Variants in ZHX2 observed in about 807,000 individuals in gnomAD.
ZHX2 encodes the protein zinc fingers and homeoboxes 2, also known as zinc fingers and homeoboxes protein 2.
Under a neutral mutation model 21.9 loss-of-function variants are expected in ZHX2, and 6 were observed. The observed-to-expected ratio is 0.27, with a 90% CI of 0.15 to 0.54. The LOEUF (loss-of-function observed/expected upper bound fraction) is 0.54, where lower values mean the gene tolerates loss of function less well. ZHX2 is among the 20% of genes least tolerant of loss of function. The probability of loss-of-function intolerance (pLI) is 0.95; values close to 1 mark genes in which losing one functional copy is unlikely to be tolerated. For missense variants in ZHX2, 908 were observed against 1,090.7 expected, an observed-to-expected ratio of 0.83 and a Z score of 2.36; for synonymous variants, 434 against 437.1, an observed-to-expected ratio of 0.99 and a Z score of 0.09.
intron 1 of ZHX2, among the ~76,000 whole-genome samples, chr8:122,818,968 G>A (rs569619344): frequency 4.6e-5 from 7 of 152,220 alleles, no homozygotes; most frequent in Admixed American, 1.3e-4. Flanking sequence ...GATAGACCGC[G>A]TCCTTAGCCA....
At chr8:122,890,448 T>C (rs1030099913) in intron 2 of ZHX2, among the ~76,000 whole-genome samples, 2 of 152,194 alleles carry the variant, frequency 1.3e-5, no homozygotes, top group Admixed American at 1.3e-4. Context: ...ATGGGGTCTT[T>C]TGTGATTCCA....
At chr8:122,944,444 A>C (rs545731650) in intron 2 of ZHX2, among the ~76,000 whole-genome samples, 2 of 152,150 alleles carry the variant, frequency 1.3e-5, no homozygotes, top group South Asian at 4.1e-4. Flanking sequence ...CTACAAAATT[A>C]AGTATAGCCT....
chr8:122,852,153 C>T (rs904423914), intron 1 of ZHX2, among the ~76,000 whole-genome samples: 3 of 152,144 alleles, frequency 2.0e-5, no homozygotes, highest in African/African-American at 7.2e-5. Context: ...CATACAGGTG[C>T]GTGAATGTGT....
At chr8:122,925,390 A>G (rs1239623026) in intron 2 of ZHX2, among the ~76,000 whole-genome samples, 3 of 152,216 alleles carry the variant, frequency 2.0e-5, no homozygotes, top group Admixed American at 6.5e-5. Flanking sequence ...TCTTAGTGCT[A>G]TGGAAAACAC....
chr8:122,902,437 G>T (rs976486172), intron 2 of ZHX2, among the ~76,000 whole-genome samples: 2 of 152,226 alleles, frequency 1.3e-5, no homozygotes, highest in African/African-American at 4.8e-5. Flanking sequence ...TGTTTCCTCA[G>T]CTGTACATTG....
intron 1 of ZHX2, among the ~76,000 whole-genome samples, chr8:122,822,468 C>T (rs1272035748): frequency 6.6e-6 from 1 of 152,124 alleles, no homozygotes; most frequent in African/African-American, 2.4e-5. Context: ...GAGGCATGCT[C>T]GTAAAAGGAG....
intron 1 of ZHX2, among the ~76,000 whole-genome samples, chr8:122,805,470 A>C (rs1158658726): frequency 6.6e-6 from 1 of 152,170 alleles, no homozygotes; most frequent in African/African-American, 2.4e-5. Context: ...AGTAAGGCCA[A>C]TGTGCACTGA....
At chr8:122,943,083 G>A (rs1339695902) in intron 2 of ZHX2, among the ~76,000 whole-genome samples, 5 of 152,008 alleles carry the variant, frequency 3.3e-5, no homozygotes, top group East Asian at 3.9e-4. Context: ...CCAACATGGC[G>A]AAACCCCATC....
chr8:122,894,998 G>A (rs114460542), intron 2 of ZHX2, among the ~76,000 whole-genome samples: 34 of 152,244 alleles, frequency 2.2e-4, no homozygotes, highest in African/African-American at 8.2e-4. Context: ...CTGACCCCCA[G>A]GCAGAAAATG....
chr8:122,945,948 TC>T (rs1386585242), intron 2 of ZHX2, among the ~76,000 whole-genome samples: 1 of 152,114 alleles, frequency 6.6e-6, no homozygotes, highest in African/African-American at 2.4e-5. Flanking sequence ...AAGGGAGAAC[TC>T]CCTGCTCCCT....
intron 2 of ZHX2, among the ~76,000 whole-genome samples, chr8:122,865,331 T>C (rs1010241191): frequency 6.6e-5 from 10 of 152,034 alleles, no homozygotes; most frequent in African/African-American, 2.4e-4. Context: ...GGTTTCACCA[T>C]GTTAGCCAGG....
chr8:122,904,504 C>T (rs111484731), intron 2 of ZHX2, among the ~76,000 whole-genome samples: 3,571 of 152,176 alleles, frequency 0.023, 90 homozygotes, highest in African/African-American at 0.066. Flanking sequence ...GTGTGGGAGC[C>T]GTAGCAAGAC....
intron 3 of ZHX2, among the ~76,000 whole-genome samples, chr8:122,969,326 A>G (rs1813663385): frequency 6.6e-6 from 1 of 152,178 alleles, no homozygotes; most frequent in Admixed American, 6.5e-5. Context: ...TGTACAACAT[A>G]GTGCCTGTAG....
chr8:122,861,075 G>A (rs1202500971), intron 1 of ZHX2, among the ~76,000 whole-genome samples: 1 of 150,116 alleles, frequency 6.7e-6, no homozygotes. Context: ...TCAGAGAGGA[G>A]TGGTCTAACA....
rs189664857 is a variant in ZHX2, at chr8:122,861,753, C to T, written c.-282-1724C>T. ...TCAATTAACCTCTCTGTTTTCCCAA[C>T]TGCAAAATAGAGCTAGTGACATGCC... On this transcript the variant is annotated intron_variant, in intron 1 of 3. Coordinates refer to ENST00000314393, the MANE Select transcript of ZHX2 (RefSeq NM_014943.5). Among the ~76,000 whole-genome samples, 19 of 152,270 alleles carry T rather than the reference C, an allele frequency of 1.2e-4. No individual in the cohort carries two copies. The East Asian group carries it at 3.5e-3, about 28-fold the overall frequency.
At chr8:122,944,125 T>TGCGG (rs1387570179) in intron 2 of ZHX2, among the ~76,000 whole-genome samples, 2 of 152,196 alleles carry the variant, frequency 1.3e-5, no homozygotes, top group Non-Finnish European at 2.9e-5. Context: ...ACTCCCCCTT[T>TGCGG]GAAGCCCTGC....
intron 1 of ZHX2, among the ~76,000 whole-genome samples, chr8:122,811,372 C>T (rs926133060): frequency 1.3e-5 from 2 of 152,134 alleles, no homozygotes; most frequent in African/African-American, 4.8e-5. Context: ...CAGAGCGAGA[C>T]CCTGTCTCAA....
intron 2 of ZHX2, among the ~76,000 whole-genome samples, chr8:122,880,100 G>A (rs1274925078): frequency 6.6e-6 from 1 of 151,162 alleles, no homozygotes; most frequent in Non-Finnish European, 1.5e-5. Flanking sequence ...AGCCTCCCGA[G>A]TACCTGGGAT....
At chr8:122,857,103 T>C (rs1438369303) in intron 1 of ZHX2, among the ~76,000 whole-genome samples, 1 of 152,198 alleles carries the variant, frequency 6.6e-6, no homozygotes. Context: ...GTGCGCTGCC[T>C]GTCCTCCAGG....
Sources: allele counts gnomAD v4.1 joint callset (sites outside exome capture counted in the v4.1 genomes callset), GRCh38; gene constraint gnomAD v4.1.1; transcripts MANE v1.5; gene names NCBI Gene and HGNC (gene_info 2026-07-23, HGNC 2026-07-21).